Variants in ZNF385D observed in about 807,000 individuals in gnomAD.
ZNF385D encodes zinc finger protein 659.
A neutral mutation model predicts 35.8 loss-of-function variants in ZNF385D; 15 were observed. The observed-to-expected ratio is 0.42, with a 90% CI of 0.28 to 0.64. The LOEUF (loss-of-function observed/expected upper bound fraction) is 0.64. Among genes scored for constraint, ZNF385D ranks in the 30% least tolerant of loss-of-function variants. The pLI, the probability that ZNF385D is intolerant of heterozygous loss-of-function variation, is 0.23. For synonymous variants in ZNF385D, 212 were observed against 186.8 expected (o/e 1.13, Z -1.10); for missense variants, 474 against 494.6 (o/e 0.96, Z 0.39).
At chr3:21,553,706 A>C (rs879665604) in intron 3 of ZNF385D, among the ~76,000 whole-genome samples, 29 of 152,230 alleles carry the variant, frequency 1.9e-4, no homozygotes, top group Admixed American at 1.9e-3. Flanking sequence ...ATCCTCCCAA[A>C]GCCTGCCACT....
chr3:21,487,455 T>C (rs1705118663), intron 4 of ZNF385D, among the ~76,000 whole-genome samples: 1 of 152,114 alleles, frequency 6.6e-6, no homozygotes, highest in African/African-American at 2.4e-5. Flanking sequence ...TTACAAATCT[T>C]ATCTAACATC....
At chr3:21,960,514 G>C (rs1431133185) in intron 3 of ZNF385D, among the ~76,000 whole-genome samples, 3 of 151,956 alleles carry the variant, frequency 2.0e-5, no homozygotes, top group Non-Finnish European at 4.4e-5. Flanking sequence ...AGCCATTAGG[G>C]AAAACAGTGT....
At chr3:22,129,243 C>A (rs967025334) in intron 3 of ZNF385D, among the ~76,000 whole-genome samples, 25 of 152,190 alleles carry the variant, frequency 1.6e-4, no homozygotes. Context: ...GTGACACAAG[C>A]ATTCCCATGG....
intron 3 of ZNF385D, among the ~76,000 whole-genome samples, chr3:21,964,783 C>T (rs796799900): frequency 4.2e-5 from 6 of 143,030 alleles, no homozygotes; most frequent in South Asian, 4.1e-4. Context: ...TGAGCCACTG[C>T]GCCCAGCCTA....
intron 3 of ZNF385D, among the ~76,000 whole-genome samples, chr3:22,011,965 C>T (rs1696601780): frequency 1.3e-5 from 2 of 152,216 alleles, no homozygotes; most frequent in African/African-American, 4.8e-5. Flanking sequence ...CCCTTCTTTT[C>T]TTCTTTGACT....
intron 2 of ZNF385D, among the ~76,000 whole-genome samples, chr3:21,599,858 C>G (rs1443085058): frequency 1.3e-5 from 2 of 152,146 alleles, no homozygotes; most frequent in South Asian, 2.1e-4. Context: ...TGAATATGAG[C>G]TGGGTAAAAT....
At chr3:21,960,103 G>GA (rs545457708) in intron 3 of ZNF385D, among the ~76,000 whole-genome samples, 3 of 146,386 alleles carry the variant, frequency 2.0e-5, no homozygotes, top group Admixed American at 6.8e-5. Flanking sequence ...AAAAAGTGAT[G>GA]AAAAAAAATC....
intron 3 of ZNF385D, among the ~76,000 whole-genome samples, chr3:22,037,537 T>A (rs1202429618): frequency 6.6e-6 from 1 of 152,308 alleles, no homozygotes; most frequent in East Asian, 1.9e-4. Flanking sequence ...TTCATATCCT[T>A]CACCCACTTT....
intron 4 of ZNF385D, among the ~76,000 whole-genome samples, chr3:21,444,960 G>T (rs1290262481): frequency 6.6e-6 from 1 of 152,160 alleles, no homozygotes; most frequent in Non-Finnish European, 1.5e-5. Flanking sequence ...GCAACTGAGG[G>T]TTAAGCTAAT....
chr3:21,929,589 T>C (rs1174212526), intron 3 of ZNF385D, among the ~76,000 whole-genome samples: 1 of 152,006 alleles, frequency 6.6e-6, no homozygotes, highest in Non-Finnish European at 1.5e-5. Flanking sequence ...CTAGAAATAA[T>C]AAACAAGTTC....
intron 1 of ZNF385D, among the ~76,000 whole-genome samples, chr3:21,732,211 G>A (rs1319912816): frequency 2.0e-5 from 3 of 151,412 alleles, no homozygotes; most frequent in Non-Finnish European, 4.4e-5. Flanking sequence ...CACCACACCC[G>A]GCTAATTTTT....
intron 1 of ZNF385D, among the ~76,000 whole-genome samples, chr3:21,747,484 AT>A (rs2069833464): frequency 6.6e-6 from 1 of 152,264 alleles, no homozygotes; most frequent in East Asian, 1.9e-4. Flanking sequence ...TTCTCTCCTG[AT>A]GGCAAAGGGT....
intron 3 of ZNF385D, among the ~76,000 whole-genome samples, chr3:22,050,038 G>A (rs904550314): frequency 6.6e-6 from 1 of 151,986 alleles, no homozygotes; most frequent in African/African-American, 2.4e-5. Context: ...TAATTTTTTG[G>A]AGCAGTTTGA....
intron 3 of ZNF385D, among the ~76,000 whole-genome samples, chr3:22,138,696 C>T (rs1235028626): frequency 6.6e-6 from 1 of 152,080 alleles, no homozygotes; most frequent in Non-Finnish European, 1.5e-5. Context: ...ACATGTTAGA[C>T]CTAAAACCAT....
chr3:21,519,533 C>T (rs1353682808), intron 3 of ZNF385D, among the ~76,000 whole-genome samples: 1 of 152,150 alleles, frequency 6.6e-6, no homozygotes. Flanking sequence ...TGAATTCAAA[C>T]AGCTATCTCC....
intron 3 of ZNF385D, among the ~76,000 whole-genome samples, chr3:22,079,721 C>A (rs1481072199): frequency 6.6e-6 from 1 of 151,892 alleles, no homozygotes; most frequent in Non-Finnish European, 1.5e-5. Flanking sequence ...GTATCATTTT[C>A]TCTTTGAAGG....
chr3:21,746,105 C>T (rs888007628), intron 1 of ZNF385D, among the ~76,000 whole-genome samples: 17 of 152,248 alleles, frequency 1.1e-4, no homozygotes, highest in East Asian at 5.8e-4. Context: ...ATCAACGGAG[C>T]GTTCAGTCAA....
intron 3 of ZNF385D, among the ~76,000 whole-genome samples, chr3:21,862,919 T>C (rs1265724365): frequency 6.6e-6 from 1 of 152,182 alleles, no homozygotes; most frequent in African/African-American, 2.4e-5. Context: ...AAAGGCAGAC[T>C]AATGTCATCC....
chr3:22,010,614 A>C (rs1461734274), intron 3 of ZNF385D, among the ~76,000 whole-genome samples: 1 of 152,162 alleles, frequency 6.6e-6, no homozygotes, highest in Non-Finnish European at 1.5e-5. Flanking sequence ...GACTCTTCTG[A>C]TTGTCTCTGA....
Sources: gnomAD v4.1 joint callset for allele counts (sites outside exome capture counted in the v4.1 genomes callset) on GRCh38, gnomAD v4.1.1 for gene constraint, MANE v1.5 for transcripts, NCBI Gene and HGNC (gene_info 2026-07-23, HGNC 2026-07-21) for gene names.